DCBLD2: variants seen among roughly 807,000 people sequenced by gnomAD.
DCBLD2 encodes the protein discoidin, CUB and LCCL domain containing 2, also known as discoidin, CUB and LCCL domain-containing protein 2.
Under a neutral mutation model 86.8 loss-of-function variants are expected in DCBLD2, and 54 were observed. The observed-to-expected ratio is 0.62, with a 90% CI of 0.50 to 0.78. The LOEUF is 0.78. DCBLD2 is among the 30% of genes least tolerant of loss of function. The pLI, the probability that DCBLD2 is intolerant of heterozygous loss-of-function variation, is 0.00. For missense variants in DCBLD2, 908 were observed against 954.2 expected (o/e 0.95, Z 0.64); for synonymous variants, 354 against 341.3 (o/e 1.04, Z -0.41).
At chr3:98,858,648 T>C (rs916563044) in intron 2 of DCBLD2, among the ~76,000 whole-genome samples, 9 of 152,204 alleles carry the variant, frequency 5.9e-5, no homozygotes, top group African/African-American at 2.2e-4. Context: ...ACCATGTATC[T>C]GGTAAGGGGT....
intron 2 of DCBLD2, among the ~76,000 whole-genome samples, chr3:98,869,087 G>C (rs1398255991): frequency 6.6e-6 from 1 of 152,136 alleles, no homozygotes; most frequent in Admixed American, 6.5e-5. Flanking sequence ...CACCAACAGT[G>C]TATAAGTGTT....
At chr3:98,848,868 A>C (rs936032080) in intron 3 of DCBLD2, among the ~76,000 whole-genome samples, 1 of 152,248 alleles carries the variant, frequency 6.6e-6, no homozygotes, top group African/African-American at 2.4e-5. Flanking sequence ...TAATTTATAA[A>C]TTTTAAAAAT....
In DCBLD2 at chr3:98,812,312, T is replaced by G. The variant is rs201948160; in HGVS notation, c.1363+20A>C. The G allele has an allele frequency of 1.9e-6, 3 of 1,611,692 alleles. No individual in the cohort carries two copies. The African/African-American group carries it at 4.0e-5, about 22-fold the overall frequency. On this transcript the variant is annotated intron_variant, in intron 10 of 15. Transcript: ENST00000326840. The stretch of plus-strand genomic sequence containing the variant: ...TTGGCAATCCAGTAAAAACATATCT[T>G]AAACGAACTGTCTCTTTACCTTTAG...
chr3:98,897,423 A>G (rs745602007), intron 1 of DCBLD2, among the ~76,000 whole-genome samples: 57 of 152,174 alleles, frequency 3.7e-4, no homozygotes, highest in Non-Finnish European at 5.7e-4. Context: ...AAAACTGGAT[A>G]AGAGCCCCAA....
chr3:98,884,833 T>C (rs571403463), intron 1 of DCBLD2, among the ~76,000 whole-genome samples: 2 of 152,284 alleles, frequency 1.3e-5, no homozygotes, highest in East Asian at 1.9e-4. Flanking sequence ...ATCTACGACT[T>C]TGTAGTGGCA....
chr3:98,841,996 C>T (rs1050559887), intron 3 of DCBLD2, among the ~76,000 whole-genome samples: 20 of 152,136 alleles, frequency 1.3e-4, no homozygotes, highest in African/African-American at 3.1e-4. Context: ...ACCCGAGAGG[C>T]GGAGGCTGCA....
chr3:98,900,985 T>C, intron 1 of DCBLD2, 137 bp downstream of exon 1: 1 of 1,439,272 alleles, frequency 6.9e-7, no homozygotes, highest in South Asian at 1.3e-5. Flanking sequence ...CTCAACCCCG[T>C]GAGTACCCAG....
intron 2 of DCBLD2, among the ~76,000 whole-genome samples, chr3:98,872,607 T>C (rs1167368466): frequency 2.6e-5 from 4 of 152,182 alleles, no homozygotes; most frequent in African/African-American, 9.7e-5. Context: ...GTCTAGTTCA[T>C]TGAATGTTTT....
chr3:98,844,760 A>T (rs988575138), intron 3 of DCBLD2, among the ~76,000 whole-genome samples: 10 of 152,192 alleles, frequency 6.6e-5, no homozygotes, highest in African/African-American at 9.7e-5. Context: ...GCAGTAACTC[A>T]GGAGTTTCTA....
chr3:98,812,354 G>A lies in DCBLD2; in HGVS notation c.1341C>T (p.Leu447=), dbSNP rs750142714. Residue 447 remains leucine (L), a synonymous_variant, in exon 10 of 16, where the codon CTC becomes CTT. Coordinates refer to ENST00000326840, the MANE Select transcript of DCBLD2 (RefSeq NM_080927.4). ...TACCTTTAGGAATAAACTGACATCC[G>A]AGCAGCTCCATTTTCATGGCAATTT... is the stretch of plus-strand genomic sequence containing the variant. ...QQKIAMKMEL[L]GCQFIPKGRP... is the part of the protein sequence containing the mutation. 9.9e-6 allele frequency: 16 copies of A among 1,613,108 alleles called. No individual in the cohort carries two copies. Among genetic ancestry groups the A allele is most frequent in the African/African-American group, 6.7e-5 (5 of 74,810 alleles).
rs578047064 is a variant in DCBLD2, at chr3:98,860,690, C to G, written c.434-11092G>C. On this transcript the variant is annotated intron_variant, in intron 2 of 15. Transcript: ENST00000326840. ...AGCAAACGCTGACAGATTTTGTCAC[C>G]ACCAGGCCTGCCCTAAAAGAGCTCC... Among the ~76,000 whole-genome samples, 3 of 152,256 alleles carry G rather than the reference C, an allele frequency of 2.0e-5. No homozygotes were observed. In the East Asian group the frequency reaches 5.8e-4, roughly 29 times the overall value.
chr3:98,836,603 G>A (rs1330650040), intron 3 of DCBLD2, among the ~76,000 whole-genome samples: 289 of 137,370 alleles, frequency 2.1e-3, no homozygotes, highest in Non-Finnish European at 2.5e-3. Context: ...TCAATGAGCT[G>A]TTGGGCACAC....
intron 3 of DCBLD2, among the ~76,000 whole-genome samples, chr3:98,826,300 T>C (rs574073547): frequency 6.6e-6 from 1 of 152,366 alleles, no homozygotes; most frequent in South Asian, 2.1e-4. Context: ...GTCTTGTGTG[T>C]ACCTGCCTTG....
intron 1 of DCBLD2, among the ~76,000 whole-genome samples, chr3:98,895,921 C>T (rs1943743606): frequency 6.6e-6 from 1 of 152,178 alleles, no homozygotes; most frequent in Admixed American, 6.5e-5. Flanking sequence ...ACTGATAGTT[C>T]TTAATGAGAG....
At chr3:98,841,484 GA>G (rs1301955779) in intron 3 of DCBLD2, among the ~76,000 whole-genome samples, 1 of 152,132 alleles carries the variant, frequency 6.6e-6, no homozygotes, top group Non-Finnish European at 1.5e-5. Context: ...ATAATACCAT[GA>G]AAATATATTT....
At chr3:98,810,479 G>C (rs1421068090) in intron 12 of DCBLD2, among the ~76,000 whole-genome samples, 1 of 152,164 alleles carries the variant, frequency 6.6e-6, no homozygotes, top group Admixed American at 6.5e-5. Context: ...TTCTCTCTCT[G>C]CACTTTCCTG....
chr3:98,877,987 T>C (rs1455489815), intron 2 of DCBLD2, among the ~76,000 whole-genome samples: 1 of 149,738 alleles, frequency 6.7e-6, no homozygotes, highest in East Asian at 1.9e-4. Context: ...AACAAACAAA[T>C]GGGAGAGAAG....
At chr3:98,810,110 T>C (rs1298511402) in intron 12 of DCBLD2, among the ~76,000 whole-genome samples, 2 of 152,248 alleles carry the variant, frequency 1.3e-5, no homozygotes, top group East Asian at 1.9e-4. Flanking sequence ...AAGGAAATTA[T>C]TTAAGGACTC....
intron 12 of DCBLD2, among the ~76,000 whole-genome samples, 165 bp from the exon 13 acceptor site, chr3:98,808,339 C>A (rs1279728655): frequency 1.3e-5 from 2 of 152,152 alleles, no homozygotes; most frequent in Non-Finnish European, 2.9e-5. Flanking sequence ...ACTGTAGAAG[C>A]TTTTGCAGAT....
Sources: allele counts gnomAD v4.1 joint callset (sites outside exome capture counted in the v4.1 genomes callset), GRCh38; gene constraint gnomAD v4.1.1; transcripts MANE v1.5; gene names NCBI Gene and HGNC (gene_info 2026-07-23, HGNC 2026-07-21).